Variants in NCOA1 observed in about 807,000 individuals in gnomAD.
NCOA1 encodes nuclear receptor coactivator 1.
Under a neutral mutation model 150.9 loss-of-function variants are expected in NCOA1, and 35 were observed. The observed-to-expected ratio is 0.23, with a 90% CI of 0.18 to 0.31. NCOA1 has a LOEUF of 0.31. Among genes scored for constraint, NCOA1 ranks in the 10% least tolerant of loss-of-function variants. The pLI is 1.00. For synonymous variants in NCOA1, 590 were observed against 630.0 expected (o/e 0.94, Z 0.95); for missense variants, 1,491 against 1,749.3 (o/e 0.85, Z 2.63).
chr2:24,629,838 A>G (rs1488158571), intron 3 of NCOA1, among the ~76,000 whole-genome samples: 6 of 137,834 alleles, frequency 4.4e-5, no homozygotes, highest in African/African-American at 8.4e-5. Flanking sequence ...ATATATATAT[A>G]TATATATATG....
At chr2:24,537,428 G>A (rs185932701) in intron 1 of NCOA1, among the ~76,000 whole-genome samples, 1 of 152,026 alleles carries the variant, frequency 6.6e-6, no homozygotes, top group Non-Finnish European at 1.5e-5. Context: ...ATATATGTGT[G>A]TGTGTGTATA....
At chr2:24,701,820 C>T (rs759872491) in intron 11 of NCOA1, among the ~76,000 whole-genome samples, 1 of 152,124 alleles carries the variant, frequency 6.6e-6, no homozygotes, top group Non-Finnish European at 1.5e-5. Context: ...AGATCAGCCT[C>T]GCCAACATGG....
intron 1 of NCOA1, among the ~76,000 whole-genome samples, chr2:24,508,100 G>A (rs963265191): frequency 1.3e-4 from 20 of 152,060 alleles, no homozygotes; most frequent in Admixed American, 4.6e-4. Context: ...TCATAGTTGG[G>A]TTACTTCTGG....
intron 3 of NCOA1, among the ~76,000 whole-genome samples, chr2:24,610,767 GT>G (rs200715486): frequency 2.6e-4 from 36 of 140,008 alleles, no homozygotes; most frequent in Non-Finnish European, 2.7e-4. Context: ...ATTTATTGTG[GT>G]TTTTTTTTTT....
intron 1 of NCOA1, among the ~76,000 whole-genome samples, chr2:24,505,003 C>T (rs552410993): frequency 1.1e-4 from 16 of 152,028 alleles, no homozygotes; most frequent in Admixed American, 1.0e-3. Context: ...TTGTTAAGGA[C>T]TATTGGGTGG....
At chr2:24,577,879 C>G (rs1667054387) in intron 2 of NCOA1, among the ~76,000 whole-genome samples, 1 of 152,136 alleles carries the variant, frequency 6.6e-6, no homozygotes, top group Admixed American at 6.5e-5. Context: ...GGTTCAGTCT[C>G]TCTGAAAACA....
intron 14 of NCOA1, among the ~76,000 whole-genome samples, chr2:24,721,865 A>G (rs2148626310): frequency 6.6e-6 from 1 of 152,160 alleles, no homozygotes; most frequent in Non-Finnish European, 1.5e-5. Flanking sequence ...TTTCACAATC[A>G]GTTTGTTTCC....
intron 6 of NCOA1, among the ~76,000 whole-genome samples, chr2:24,669,469 C>T (rs1167654050): frequency 1.3e-5 from 2 of 152,192 alleles, no homozygotes; most frequent in African/African-American, 2.4e-5. Flanking sequence ...AGAAACTAGT[C>T]ACATAGCCAT....
At chr2:24,528,670 A>G (rs1019351890) in intron 1 of NCOA1, among the ~76,000 whole-genome samples, 1 of 151,986 alleles carries the variant, frequency 6.6e-6, no homozygotes, top group African/African-American at 2.4e-5. Flanking sequence ...TTGAGTGTGG[A>G]AATCCTAAAA....
At chr2:24,499,625 A>C (rs1365563766) in intron 1 of NCOA1, among the ~76,000 whole-genome samples, 1 of 152,082 alleles carries the variant, frequency 6.6e-6, no homozygotes, top group African/African-American at 2.4e-5. Flanking sequence ...CGGTGTAAAA[A>C]TGTCTCTTTG....
At chr2:24,561,936 C>T (rs1467827118) in intron 1 of NCOA1, among the ~76,000 whole-genome samples, 1 of 151,988 alleles carries the variant, frequency 6.6e-6, no homozygotes, top group African/African-American at 2.4e-5. Flanking sequence ...ATGAGAATAC[C>T]TTAATGTTGC....
At chr2:24,640,943 A>C (rs184918970) in intron 3 of NCOA1, among the ~76,000 whole-genome samples, 2 of 152,128 alleles carry the variant, frequency 1.3e-5, no homozygotes, top group Admixed American at 1.3e-4. Flanking sequence ...AATGTAATTA[A>C]TGTGGTTGGG....
intron 8 of NCOA1, among the ~76,000 whole-genome samples, chr2:24,691,017 T>G (rs1210010028): frequency 6.6e-6 from 1 of 152,192 alleles, no homozygotes; most frequent in Non-Finnish European, 1.5e-5. Context: ...AAAATTGAAA[T>G]CTTCTTCCCC....
In NCOA1 at chr2:24,516,025, C is replaced by T. The variant is rs527731695; in HGVS notation, c.-396+24423C>T. Reference sequence around the variant, plus strand: ...CTCTTACTAAGGAAGAGCCTTAGCTCAGTCAGCAGGCAGTCACTCTGGTGG... The same window carrying T: ...CTCTTACTAAGGAAGAGCCTTAGCTTAGTCAGCAGGCAGTCACTCTGGTGG... On this transcript the variant is annotated intron_variant, in intron 1 of 22. Transcript: ENST00000348332. Among the ~76,000 whole-genome samples the T allele has an allele frequency of 2.0e-5, 3 of 152,224 alleles. No homozygotes were observed. In the East Asian group the frequency reaches 5.8e-4, roughly 29 times the overall value.
chr2:24,678,622 C>A (rs1672025566), intron 7 of NCOA1, among the ~76,000 whole-genome samples: 1 of 152,148 alleles, frequency 6.6e-6, no homozygotes, highest in Non-Finnish European at 1.5e-5. Context: ...TTTTGATTTG[C>A]ATCTCTCTAA....
At chr2:24,614,344 TGTAGC>T (rs1668780141) in intron 3 of NCOA1, among the ~76,000 whole-genome samples, 1 of 150,886 alleles carries the variant, frequency 6.6e-6, no homozygotes, top group Admixed American at 6.7e-5. Context: ...CAACCTCCTG[TGTAGC>T]TGGGACTATA....
At chr2:24,768,041 C>T (rs747155544) in intron 22 of NCOA1, 180 bp from the exon 23 acceptor site, 6 of 1,607,834 alleles carry the variant, frequency 3.7e-6, no homozygotes, top group Non-Finnish European at 5.1e-6. Context: ...CTTTCCAGAA[C>T]CCTGAGCAAA....
chr2:24,549,553 C>T (rs750081582), intron 1 of NCOA1, among the ~76,000 whole-genome samples: 29 of 152,024 alleles, frequency 1.9e-4, no homozygotes, highest in Non-Finnish European at 4.1e-4. Context: ...GCAATTTTTC[C>T]ATATTTTTAT....
intron 1 of NCOA1, among the ~76,000 whole-genome samples, chr2:24,548,456 C>T (rs1665694356): frequency 6.6e-6 from 1 of 152,192 alleles, no homozygotes; most frequent in Admixed American, 6.5e-5. Flanking sequence ...CCATCCCTGG[C>T]CCCTCCAAAT....
Sources: allele counts gnomAD v4.1 joint callset (sites outside exome capture counted in the v4.1 genomes callset), GRCh38; gene constraint gnomAD v4.1.1; transcripts MANE v1.5; gene names NCBI Gene and HGNC (gene_info 2026-07-23, HGNC 2026-07-21).